Variants in SEC14L2 observed in about 807,000 individuals in gnomAD.
SEC14L2 encodes SEC14-like protein 2.
SEC14L2 carries 50 observed loss-of-function variants against 56.9 expected under a neutral mutation model. The ratio of observed to expected loss-of-function variants is 0.88; its 90% confidence interval spans 0.70 to 1.11. The LOEUF is 1.11. Ranked by LOEUF, SEC14L2 falls within the 50% of genes most tolerant of loss-of-function variation. SEC14L2 has a pLI of 0.00. For missense variants in SEC14L2, 414 were observed against 500.7 expected (o/e 0.83, Z 1.65); for synonymous variants, 179 against 188.5 (o/e 0.95, Z 0.41).
At chr22:30,418,916 C>T (rs1013413415) in intron 11 of SEC14L2, among the ~76,000 whole-genome samples, 1 of 152,250 alleles carries the variant, frequency 6.6e-6, no homozygotes, top group African/African-American at 2.4e-5. Context: ...CCAGGCTTCT[C>T]TGGTCCTTAT....
At chr22:30,410,508 G>A in intron 7 of SEC14L2, 88 bp from the exon 8 acceptor site, 4 of 1,263,798 alleles carry the variant, frequency 3.2e-6, no homozygotes, top group Non-Finnish European at 4.6e-6. Context: ...GCATGGGCTG[G>A]CAGGAGGGTA....
chr22:30,422,201 C>A, intron 11 of SEC14L2, 76 bp from the exon 12 acceptor site: 1 of 1,576,760 alleles, frequency 6.3e-7, no homozygotes. Context: ...AGTCACTAAA[C>A]ATCAACAAAA....
At chr22:30,397,675 G>T in intron 1 of SEC14L2, 1 of 338,412 alleles carries the variant, frequency 3.0e-6, no homozygotes. Context: ...CCTTCTCTTT[G>T]CTCCTCGATG....
intron 8 of SEC14L2, among the ~76,000 whole-genome samples, chr22:30,411,688 A>G (rs1934251313): frequency 7.3e-6 from 1 of 136,306 alleles, no homozygotes; most frequent in South Asian, 2.6e-4. Flanking sequence ...GGAAGGTTGC[A>G]GTGAGCCGAG....
Position 30,397,140 on chromosome 22 carries a change from G to T in SEC14L2, c.24G>T (p.Leu8=). 1 of 1,547,662 alleles carries T rather than the reference G, an allele frequency of 6.5e-7. No individual in the cohort carries two copies. The highest frequency in any genetic ancestry group is 8.7e-7 in the Non-Finnish European group (1 of 1,145,806). ...CGATGAGCGGCAGAGTCGGCGATCT[G>T]AGCCCCAGGCAGAAGGAGGCATTGG... MSGRVGD[L]SPRQKEALAK... Residue 8 remains leucine (L), a synonymous_variant, in exon 1 of 12, where the codon CTG becomes CTT. Coordinates refer to ENST00000615189, the MANE Select transcript of SEC14L2 (RefSeq NM_012429.5).
At chr22:30,411,661 G>A (rs1274419689) in intron 8 of SEC14L2, among the ~76,000 whole-genome samples, 1 of 147,250 alleles carries the variant, frequency 6.8e-6, no homozygotes, top group South Asian at 2.1e-4. Flanking sequence ...CAGGAGAATC[G>A]CTTGAACCCA....
chr22:30,421,744 C>T (rs1912116581), intron 11 of SEC14L2: 1 of 152,368 alleles, frequency 6.6e-6, no homozygotes, highest in African/African-American at 2.4e-5. Flanking sequence ...CAGACGGAAA[C>T]TCCAGCTCTG....
In SEC14L2 at chr22:30,422,630, G is replaced by C. The variant is rs1250919703; in HGVS notation, c.*223G>C. 1.9e-6 allele frequency: 1 copy of C among 528,326 alleles called. No individual in the cohort carries two copies. Among genetic ancestry groups the C allele is most frequent in the Non-Finnish European group, 3.3e-6 (1 of 298,682 alleles). The allele number at this position is 528,326 out of a possible 1,614,324, so 32.7% of individuals were successfully genotyped here. On this transcript the variant is annotated 3_prime_UTR_variant, in exon 12 of 12. Transcript: ENST00000615189. ...CAGGAGCTGGCTGGCCATCGTGATA[G>C]GATCTGTCTGTCCTGTAAACTGTGC...
chr22:30,410,756 G>A (rs997184578), intron 8 of SEC14L2, 77 bp downstream of exon 8: 107 of 1,366,106 alleles, frequency 7.8e-5, no homozygotes, highest in East Asian at 1.2e-4. Flanking sequence ...GGGTGTGGCC[G>A]TAGCCACCAG....
Position 30,407,400 on chromosome 22 carries a change from T to C in SEC14L2, c.235-15T>C. 1 of 1,609,884 alleles carries C rather than the reference T, an allele frequency of 6.2e-7. No homozygotes were observed. Among genetic ancestry groups the C allele is most frequent in the Non-Finnish European group, 8.5e-7 (1 of 1,176,594 alleles). ...ATGCCTGCTGACCAGGTGGCTCCTC[T>C]GTGTCTTTGCCCAGGTGATCCAACA... On this transcript the variant is annotated splice_polypyrimidine_tract_variant and intron_variant, in intron 4 of 11. Coordinates refer to ENST00000615189, the MANE Select transcript of SEC14L2 (RefSeq NM_012429.5).
chr22:30,411,588 A>G (rs1934248242), intron 8 of SEC14L2, among the ~76,000 whole-genome samples: 1 of 151,932 alleles, frequency 6.6e-6, no homozygotes, highest in Non-Finnish European at 1.5e-5. Flanking sequence ...TCTGCTAAAA[A>G]TAGAAAAATT....
intron 8 of SEC14L2, among the ~76,000 whole-genome samples, chr22:30,414,190 G>T (rs931994252): frequency 9.9e-5 from 15 of 152,154 alleles, no homozygotes; most frequent in Admixed American, 2.0e-4. Flanking sequence ...AATCCTCCTG[G>T]CCTTATCCCA....
chr22:30,421,775 A>G (rs1555999940), intron 11 of SEC14L2: 1 of 152,632 alleles, frequency 6.6e-6, no homozygotes, highest in Non-Finnish European at 1.5e-5. Flanking sequence ...ACTGTGTGTC[A>G]CCAGAGTCAC....
At chr22:30,416,560 C>T (rs5997642) in intron 11 of SEC14L2, 157 bp downstream of exon 11, 1 of 1,513,236 alleles carries the variant, frequency 6.6e-7, no homozygotes, top group South Asian at 1.3e-5. Context: ...AGAAATCTAG[C>T]CTTGGAGACT....
At chr22:30,397,663 G>A (rs980983348) in intron 1 of SEC14L2, 8 of 336,918 alleles carry the variant, frequency 2.4e-5, no homozygotes, top group African/African-American at 1.8e-4. Flanking sequence ...GCAAAACCCT[G>A]CCCTTCTCTT....
rs1203197835 is a variant in SEC14L2 at position 30,422,758 on chromosome 22, T to G, written c.*351T>G. Reference sequence around the variant, plus strand: ...TTAGAAAAGGGTGAAAGATTGGGACTTAACACTTCAGGGAAGTCAGCTGCC... The same window carrying G: ...TTAGAAAAGGGTGAAAGATTGGGACGTAACACTTCAGGGAAGTCAGCTGCC... On this transcript the variant is annotated 3_prime_UTR_variant, in exon 12 of 12. Coordinates refer to ENST00000615189, the MANE Select transcript of SEC14L2 (RefSeq NM_012429.5). 1.0e-5 allele frequency: 2 copies of G among 198,414 alleles called. No homozygotes were observed. The highest frequency in any genetic ancestry group is 2.1e-5 in the Non-Finnish European group (2 of 96,316). 12.3% of individuals were successfully genotyped at this position (198,414 alleles called of 1,614,324 possible).
chr22:30,403,147 G>A (rs9608903), intron 2 of SEC14L2, among the ~76,000 whole-genome samples: 1 of 152,112 alleles, frequency 6.6e-6, no homozygotes, highest in African/African-American at 2.4e-5. Context: ...ATCTGACAAA[G>A]ACCTTTCATA....
intron 2 of SEC14L2, among the ~76,000 whole-genome samples, chr22:30,402,705 A>AG (rs1214285507): frequency 6.6e-6 from 1 of 151,544 alleles, no homozygotes; most frequent in Admixed American, 6.6e-5. Context: ...GCAGGAGCTC[A>AG]GGCCTGGTCA....
intron 8 of SEC14L2, among the ~76,000 whole-genome samples, chr22:30,414,199 C>G (rs1050404674): frequency 6.6e-6 from 1 of 152,198 alleles, no homozygotes; most frequent in African/African-American, 2.4e-5. Context: ...GGCCTTATCC[C>G]AACTCTCCAG....
Sources: gnomAD v4.1 joint callset for allele counts (sites outside exome capture counted in the v4.1 genomes callset) on GRCh38, gnomAD v4.1.1 for gene constraint, MANE v1.5 for transcripts, NCBI Gene and HGNC (gene_info 2026-07-23, HGNC 2026-07-21) for gene names.